CCDC61: variants seen among roughly 807,000 people sequenced by gnomAD.
CCDC61 encodes coiled-coil domain containing 61.
In CCDC61, 55 loss-of-function variants were observed where a neutral mutation model predicts 63.0. The ratio of observed to expected loss-of-function variants is 0.87; its 90% CI spans 0.70 to 1.09. The LOEUF (loss-of-function observed/expected upper bound fraction) is 1.09, where lower values mean the gene tolerates loss of function less well. CCDC61 is among the 50% of genes least tolerant of loss of function. The probability of loss-of-function intolerance (pLI) is 0.00; values close to 1 mark genes in which losing one functional copy is unlikely to be tolerated. For missense variants in CCDC61, 651 were observed against 731.4 expected, an observed-to-expected ratio of 0.89 and a Z score of 1.27; for synonymous variants, 270 against 317.0, an observed-to-expected ratio of 0.85 and a Z score of 1.58.
intron 5 of CCDC61, 23 bp downstream of exon 5, chr19:46,008,324 G>A: frequency 1.1e-6 from 1 of 897,120 alleles, no homozygotes; most frequent in Non-Finnish European, 1.7e-6. Context: ...GGGGTGGGCA[G>A]CTGGGGCGGG....
rs768309737 is a variant in CCDC61 at position 46,015,459 on chromosome 19, G to A, written c.845+32G>A. On this transcript the variant is annotated intron_variant, in intron 7 of 13. Transcript: ENST00000595358. The surrounding 1 kb of genome is among the most constrained non-coding windows in gnomAD (Gnocchi z 5.3). ...GCGAGGCCTGCCAGGCGCCTGGGCG[G>A]ATGGGCGGGCCCTGAGGGTGTGGAG... 2.6e-6 allele frequency: 4 copies of A among 1,533,894 alleles called. No individual in the cohort carries two copies. In the South Asian group the frequency reaches 3.4e-5, roughly 13 times the overall value.
chr19:46,003,018 C>T lies in CCDC61; in HGVS notation c.-1C>T. The T allele has an allele frequency of 1.3e-6, 2 of 1,557,394 alleles. No individual in the cohort carries two copies. Among genetic ancestry groups the T allele is most frequent in the South Asian group, 1.2e-5 (1 of 84,420 alleles). ...CATCTCCTTCTCCAGCAACCTTGGCCATGGACCAGCCGGCTGGCCTGCAGG... is the reference window on the plus strand; with the variant it reads ...CATCTCCTTCTCCAGCAACCTTGGCTATGGACCAGCCGGCTGGCCTGCAGG... On this transcript the variant is annotated 5_prime_UTR_variant, in exon 2 of 14. Transcript: ENST00000595358.
In CCDC61 at chr19:46,008,130, C is replaced by T; in HGVS notation, c.390-10C>T. The T allele has an allele frequency of 6.3e-7, 1 of 1,599,452 alleles. No individual in the cohort carries two copies. The highest frequency in any genetic ancestry group is 8.5e-7 in the Non-Finnish European group (1 of 1,172,996). On this transcript the variant is annotated splice_polypyrimidine_tract_variant and intron_variant, in intron 4 of 13. Coordinates refer to ENST00000595358, the MANE Select transcript of CCDC61 (RefSeq NM_001267723.2). ...TCTGAGATGCCACGGTTTTAATCCT[C>T]CCTCCTCAGGATTCACTACCCGCTG...
rs370890657 is a variant in CCDC61, at chr19:46,018,240, C to T, written c.1442-50C>T. The T allele has an allele frequency of 3.7e-4, 567 of 1,546,458 alleles. 3 individuals carry two copies. In the African/African-American group the frequency reaches 7.1e-3, roughly 19 times the overall value. Reference sequence around the variant, plus strand: ...GTGGTATATTGGGCCCAGGAACTCCCTGGGGCTTCAGGCCCCTCACAGCCC... The same window carrying T: ...GTGGTATATTGGGCCCAGGAACTCCTTGGGGCTTCAGGCCCCTCACAGCCC... On this transcript the variant is annotated intron_variant, in intron 13 of 13. Transcript: ENST00000595358. The surrounding 1 kb of genome is among the most constrained non-coding windows in gnomAD (Gnocchi z 4.2).
At chr19:46,012,236 C>A (rs895028052) in intron 5 of CCDC61, among the ~76,000 whole-genome samples, 3 of 152,188 alleles carry the variant, frequency 2.0e-5, no homozygotes, top group Non-Finnish European at 2.9e-5. Flanking sequence ...AGTCCCACTG[C>A]TTCCACTACT....
intron 11 of CCDC61, 23 bp from the exon 12 acceptor site, chr19:46,017,224 C>G: frequency 6.4e-7 from 1 of 1,557,584 alleles, no homozygotes; most frequent in Middle Eastern, 1.7e-4. Flanking sequence ...CACCACTGGT[C>G]CTTGGTTACT....
At chr19:46,012,699 C>T (rs1236616442) in intron 5 of CCDC61, among the ~76,000 whole-genome samples, 4 of 151,974 alleles carry the variant, frequency 2.6e-5, no homozygotes, top group East Asian at 1.9e-4. Flanking sequence ...CCATAGCCTC[C>T]GTATGTCTTT....
intron 5 of CCDC61, among the ~76,000 whole-genome samples, chr19:46,014,467 T>G (rs530470457): frequency 4.9e-4 from 74 of 152,372 alleles, no homozygotes; most frequent in Non-Finnish European, 9.6e-4. Flanking sequence ...TTTATAGTTT[T>G]GTGGGACTCA....
In CCDC61 at chr19:46,017,018, C is replaced by G. The variant is rs369963014; in HGVS notation, c.1259C>G (p.Ser420Cys). ...SVDSFRSRCS[S>C]ASSCSDLEDF... ...GACAGTTTCCGCAGCCGCTGCTCGT[C>G]TGCCAGCTCCTGCAGCGATTTGGAG... The change falls in exon 11 of 14, where the codon TCT (serine) becomes TGT (cysteine). Residue 420 changes from serine to cysteine, a missense_variant. Coordinates refer to ENST00000595358, the MANE Select transcript of CCDC61 (RefSeq NM_001267723.2). The G allele has an allele frequency of 1.2e-6, 2 of 1,612,318 alleles. No homozygotes were observed. The highest frequency in any genetic ancestry group is 2.7e-5 in the African/African-American group (2 of 74,936).
In CCDC61 at chr19:46,008,137, C is replaced by T. The variant is rs367987048; in HGVS notation, c.390-3C>T. On this transcript the variant is annotated splice_polypyrimidine_tract_variant and splice_region_variant and intron_variant, in intron 4 of 13. Transcript: ENST00000595358. ...TGCCACGGTTTTAATCCTCCCTCCT[C>T]AGGATTCACTACCCGCTGCCCCTCC... 2.5e-6 allele frequency: 4 copies of T among 1,605,012 alleles called. No homozygotes were observed. Among genetic ancestry groups the T allele is most frequent in the African/African-American group, 2.7e-5 (2 of 74,646 alleles).
Position 46,012,833 on chromosome 19 carries a change from C to T in CCDC61, c.552-2216C>T, listed in dbSNP as rs1046153883. Reference sequence around the variant, plus strand: ...TAAACAATATAGTTTAGTTGTATCTCTTTTTGCACTTAATTTAATTTTTTT... The same window carrying T: ...TAAACAATATAGTTTAGTTGTATCTTTTTTTGCACTTAATTTAATTTTTTT... On this transcript the variant is annotated intron_variant, in intron 5 of 13. Transcript: ENST00000595358. Among the ~76,000 whole-genome samples the T allele has an allele frequency of 3.3e-5, 5 of 149,918 alleles. No homozygotes were observed. In the South Asian group the frequency reaches 6.3e-4, roughly 19 times the overall value.
In CCDC61 at chr19:46,016,972, GC is replaced by G. The variant is rs1408317166; in HGVS notation, c.1232-16del. On this transcript the variant is annotated intron_variant, in intron 10 of 13. Transcript: ENST00000595358. The surrounding 1 kb of genome is among the most constrained non-coding windows in gnomAD (Gnocchi z 7.2). ...GGGGCCAGCGAGGGCCAGCGGTCACGCCCTCCGTCTCCCTCTAGTGGACAGT... is the reference window on the plus strand; with the variant it reads ...GGGGCCAGCGAGGGCCAGCGGTCACGCCTCCGTCTCCCTCTAGTGGACAGT... 1.9e-6 allele frequency: 3 copies of G among 1,603,946 alleles called. No individual in the cohort carries two copies. Among genetic ancestry groups the G allele is most frequent in the Non-Finnish European group, 2.6e-6 (3 of 1,175,780 alleles).
chr19:46,001,904 A>T (rs1968597960), intron 1 of CCDC61, among the ~76,000 whole-genome samples: 1 of 152,192 alleles, frequency 6.6e-6, no homozygotes. Context: ...AGTTTCAAGG[A>T]TCATCTTTTT....
rs1230492627 is a variant in CCDC61, at chr19:46,015,125, C to T, written c.628C>T (p.Arg210Cys). The change falls in exon 6 of 14, where the codon CGC becomes TGC. Residue 210 changes from arginine (R) to cysteine (C), a missense_variant. Arg to Cys is a radical substitution (Grantham distance 180). Coordinates refer to ENST00000595358, the MANE Select transcript of CCDC61 (RefSeq NM_001267723.2). The surrounding 1 kb of genome is among the most constrained non-coding windows in gnomAD (Gnocchi z 5.3). ...GRSREEALAGRAARQEAEALR... is the reference protein window; with the variant it reads ...GRSREEALAGCAARQEAEALR... ...ATCGCGCGAGGAGGCGCTGGCCGGG[C>T]GCGCGGCACGCCAGGAGGCCGAGGC... 4 of 1,296,720 alleles carry T rather than the reference C, an allele frequency of 3.1e-6. No homozygotes were observed. The highest frequency in any genetic ancestry group is 2.9e-6 in the Non-Finnish European group (3 of 1,025,362). 80.3% of individuals were successfully genotyped at this position (1,296,720 alleles called of 1,614,324 possible).
Position 46,016,771 on chromosome 19 carries a change from C to G in CCDC61, c.1169C>G (p.Pro390Arg). 6.4e-7 allele frequency: 1 copy of G among 1,564,312 alleles called. No individual in the cohort carries two copies. Among genetic ancestry groups the G allele is most frequent in the Non-Finnish European group, 8.7e-7 (1 of 1,155,544 alleles). ...GTCTCCTGGTCTCGCCAGACCCAGC[C>G]CCCTGCTGCCTTGACTGGCCGAGGG... is the stretch of plus-strand genomic sequence containing the variant. ...PSVSWSRQTQ[P>R]PAALTGRGDA... is the part of the protein sequence containing the mutation. The change falls in exon 10 of 14, where the codon CCC becomes CGC. Residue 390 changes from proline to arginine, a missense_variant. Physicochemically the swap from Pro to Arg is moderately radical, Grantham distance 103 (BLOSUM62 -2). Coordinates refer to ENST00000595358, the MANE Select transcript of CCDC61 (RefSeq NM_001267723.2). The surrounding 1 kb of genome is among the most constrained non-coding windows in gnomAD (Gnocchi z 7.2).
intron 3 of CCDC61, 127 bp downstream of exon 3, chr19:46,003,628 AT>A: frequency 1.7e-6 from 1 of 584,812 alleles, no homozygotes. Flanking sequence ...GAGGGCGATC[AT>A]TTTCTTCTTT....
At chr19:46,003,820 CGTGTGTGTGTGTGTGTGT>C (rs55945123) in intron 3 of CCDC61, among the ~76,000 whole-genome samples, 4 of 144,008 alleles carry the variant, frequency 2.8e-5, no homozygotes, top group Admixed American at 6.9e-5. Context: ...TTTCCAAATA[CGTGTGTGTGTGTGTGTGT>C]GTGTGTGTGT....
rs753870369 is a variant in CCDC61, at chr19:46,016,283, C to G, written c.1016-35C>G. 4 of 1,611,290 alleles carry G rather than the reference C, an allele frequency of 2.5e-6. No individual in the cohort carries two copies. The highest frequency in any genetic ancestry group is 4.5e-5 in the East Asian group (2 of 44,788). ...CACTGGCGCTGCCAAGGCCCGTCTC[C>G]GGACCTAGCCGCCTCCTCTCCCACG... is the stretch of plus-strand genomic sequence containing the variant. On this transcript the variant is annotated intron_variant, in intron 8 of 13. Transcript: ENST00000595358. The surrounding 1 kb of genome is among the most constrained non-coding windows in gnomAD (Gnocchi z 7.2).
rs1317819223 is a variant in CCDC61 at position 46,018,437 on chromosome 19, G to A, written c.*50G>A. 1 of 1,467,022 alleles carries A rather than the reference G, an allele frequency of 6.8e-7. No homozygotes were observed. 90.9% of individuals were successfully genotyped at this position (1,467,022 alleles called of 1,614,324 possible). The stretch of plus-strand genomic sequence containing the variant: ...CATCCCCCACCCACTTGCTGGGTAT[G>A]GTGTGGGGGGTGGGGCCAGGGTGGC... On this transcript the variant is annotated 3_prime_UTR_variant, in exon 14 of 14. Coordinates refer to ENST00000595358, the MANE Select transcript of CCDC61 (RefSeq NM_001267723.2). The surrounding 1 kb of genome is among the most constrained non-coding windows in gnomAD (Gnocchi z 4.2).
Sources: gnomAD v4.1 joint callset for allele counts (sites outside exome capture counted in the v4.1 genomes callset) on GRCh38, gnomAD v4.1.1 for gene constraint, Gnocchi (gnomAD v3.1) non-coding constraint, MANE v1.5 for transcripts, NCBI Gene and HGNC (gene_info 2026-07-23, HGNC 2026-07-21) for gene names.